The following IQCM variants were observed in gnomAD, a reference collection of about 807,000 sequenced individuals.
IQCM encodes the protein IQ motif containing M.
IQCM carries 45 observed loss-of-function variants against 57.6 expected under a neutral mutation model. That is an observed-to-expected ratio of 0.78 (90% CI 0.62 to 1.00). IQCM has a LOEUF of 1.00. Ranked by LOEUF, IQCM falls within the 50% of genes least tolerant of loss-of-function variation. The pLI is 0.00. For missense variants in IQCM, 468 were observed against 511.6 expected, an observed-to-expected ratio of 0.91 and a Z score of 0.82; for synonymous variants, 148 against 158.9, an observed-to-expected ratio of 0.93 and a Z score of 0.51.
At chr4:149,723,792 A>G (rs998680646) in intron 5 of IQCM, among the ~76,000 whole-genome samples, 4 of 151,884 alleles carry the variant, frequency 2.6e-5, no homozygotes, top group Admixed American at 1.3e-4. Context: ...CCAGGGTGAT[A>G]CTGGCTTCAT....
chr4:149,613,022 C>T (rs538048700), intron 8 of IQCM, among the ~76,000 whole-genome samples: 47 of 151,866 alleles, frequency 3.1e-4, no homozygotes, highest in African/African-American at 1.1e-3. Flanking sequence ...ACAAAATGAC[C>T]CCCCAAAATT....
At chr4:149,498,607 C>T (rs17624848) in intron 12 of IQCM, among the ~76,000 whole-genome samples, 23,433 of 152,086 alleles carry the variant, frequency 0.15, 2,170 homozygotes, top group South Asian at 0.33. Context: ...ATCAGGAAAC[C>T]GCAGTAGGGA....
At chr4:149,442,079 C>T (rs1735998849) in intron 12 of IQCM, among the ~76,000 whole-genome samples, 1 of 152,112 alleles carries the variant, frequency 6.6e-6, no homozygotes, top group Non-Finnish European at 1.5e-5. Flanking sequence ...TCTGTTATAG[C>T]AGCACAAAAC....
At chr4:149,516,009 C>T (rs1744923399) in intron 12 of IQCM, among the ~76,000 whole-genome samples, 1 of 152,136 alleles carries the variant, frequency 6.6e-6, no homozygotes, top group Admixed American at 6.5e-5. Context: ...CTGTCATTGC[C>T]CAGTGGGCCC....
rs540212073 is a variant in IQCM, at chr4:149,604,599, T to C, written c.681+16530A>G. ...TACTAGAACTTTCTAAGTCTTCTTATTATTACTACTGAAATTTTCATTTGT... is the reference window on the plus strand; with the variant it reads ...TACTAGAACTTTCTAAGTCTTCTTACTATTACTACTGAAATTTTCATTTGT... On this transcript the variant is annotated intron_variant, in intron 8 of 13. Transcript: ENST00000636793. 3.7e-4 allele frequency among the ~76,000 whole-genome samples: 56 copies of C among 152,354 alleles called. No homozygotes were observed. The South Asian group carries it at 0.012, about 32-fold the overall frequency.
intron 8 of IQCM, among the ~76,000 whole-genome samples, chr4:149,615,123 G>A (rs2150061659): frequency 6.9e-6 from 1 of 144,778 alleles, no homozygotes; most frequent in African/African-American, 2.4e-5. Flanking sequence ...TAAATACCAA[G>A]GTTAGATGTT....
At chr4:149,503,954 A>C (rs1277821042) in intron 12 of IQCM, among the ~76,000 whole-genome samples, 1 of 152,192 alleles carries the variant, frequency 6.6e-6, no homozygotes, top group Non-Finnish European at 1.5e-5. Context: ...AAAAAAAGAC[A>C]ATCACACAAA....
intron 5 of IQCM, among the ~76,000 whole-genome samples, chr4:149,719,192 A>G (rs1212073926): frequency 2.0e-5 from 3 of 151,946 alleles, no homozygotes; most frequent in Non-Finnish European, 4.4e-5. Context: ...TAAAAATACA[A>G]AATTAGCTGG....
At chr4:149,420,687 C>A (rs1171034032) in intron 13 of IQCM, among the ~76,000 whole-genome samples, 1 of 151,876 alleles carries the variant, frequency 6.6e-6, no homozygotes. Context: ...AAACTTAAAA[C>A]AAGAAACTGA....
At chr4:149,782,049 C>T (rs1771650928) in intron 2 of IQCM, among the ~76,000 whole-genome samples, 1 of 151,896 alleles carries the variant, frequency 6.6e-6, no homozygotes, top group Admixed American at 6.6e-5. Flanking sequence ...CAATAAACAG[C>T]CCTAACACTT....
chr4:149,811,771 C>T (rs957207639), intron 2 of IQCM, among the ~76,000 whole-genome samples: 1 of 152,164 alleles, frequency 6.6e-6, no homozygotes, highest in Non-Finnish European at 1.5e-5. Flanking sequence ...ATCAAAATGT[C>T]CATAACTACA....
intron 5 of IQCM, among the ~76,000 whole-genome samples, chr4:149,718,263 A>T (rs1298094640): frequency 6.6e-6 from 1 of 152,210 alleles, no homozygotes; most frequent in African/African-American, 2.4e-5. Flanking sequence ...CTCAGAAGGA[A>T]AAAGGTGGTG....
chr4:149,567,239 G>T (rs1216204190), intron 9 of IQCM, among the ~76,000 whole-genome samples: 1 of 152,024 alleles, frequency 6.6e-6, no homozygotes, highest in African/African-American at 2.4e-5. Context: ...TTGCGTCTCT[G>T]TTACTTCTTT....
intron 7 of IQCM, among the ~76,000 whole-genome samples, chr4:149,634,605 T>A (rs1452520149): frequency 1.3e-5 from 2 of 152,188 alleles, no homozygotes; most frequent in Admixed American, 6.5e-5. Context: ...AAAACTCAGA[T>A]GACATTTTCA....
intron 5 of IQCM, among the ~76,000 whole-genome samples, chr4:149,717,008 A>T (rs2149844247): frequency 6.6e-6 from 1 of 152,300 alleles, no homozygotes; most frequent in African/African-American, 2.4e-5. Flanking sequence ...ACAGCTCCTG[A>T]GCTCAGGACC....
At chr4:149,705,988 A>C (rs911596257) in intron 5 of IQCM, among the ~76,000 whole-genome samples, 14 of 151,970 alleles carry the variant, frequency 9.2e-5, no homozygotes, top group African/African-American at 3.4e-4. Flanking sequence ...AGTAATTATT[A>C]ATTGGTTCTC....
intron 7 of IQCM, among the ~76,000 whole-genome samples, chr4:149,647,876 T>A (rs1342658015): frequency 1.3e-5 from 2 of 152,146 alleles, no homozygotes; most frequent in African/African-American, 4.8e-5. Flanking sequence ...TGGACTCTGA[T>A]TATAGGAATG....
intron 5 of IQCM, among the ~76,000 whole-genome samples, chr4:149,732,442 A>G (rs1766544289): frequency 6.6e-6 from 1 of 152,138 alleles, no homozygotes; most frequent in Non-Finnish European, 1.5e-5. Flanking sequence ...CAGTGTTTCC[A>G]TAATGCTTCA....
At chr4:149,577,124 G>T (rs1009692681) in intron 9 of IQCM, among the ~76,000 whole-genome samples, 5 of 151,834 alleles carry the variant, frequency 3.3e-5, no homozygotes, top group Non-Finnish European at 7.4e-5. Flanking sequence ...ATAGATTCTG[G>T]ATATTAGACC....
Sources: gnomAD v4.1 joint callset for allele counts (sites outside exome capture counted in the v4.1 genomes callset) on GRCh38, gnomAD v4.1.1 for gene constraint, MANE v1.5 for transcripts, NCBI Gene and HGNC (gene_info 2026-07-23, HGNC 2026-07-21) for gene names.